NTNG1: variants seen among roughly 807,000 people sequenced by gnomAD.
NTNG1 encodes netrin-G1.
Under a neutral mutation model 54.0 loss-of-function variants are expected in NTNG1, and 16 were observed. That is an observed-to-expected ratio of 0.30 (90% confidence interval 0.20 to 0.45). NTNG1 has a LOEUF of 0.45. Ranked by LOEUF, NTNG1 falls within the 20% of genes least tolerant of loss-of-function variation. The probability of loss-of-function intolerance (pLI) is 1.00; values close to 1 mark genes in which losing one functional copy is unlikely to be tolerated. For synonymous variants in NTNG1, 255 were observed against 263.1 expected, an observed-to-expected ratio of 0.97 and a Z score of 0.30; for missense variants, 530 against 678.7, an observed-to-expected ratio of 0.78 and a Z score of 2.43.
At chr1:107,162,423 A>AT (rs1312795356) in intron 2 of NTNG1, among the ~76,000 whole-genome samples, 1 of 152,134 alleles carries the variant, frequency 6.6e-6, no homozygotes, top group Non-Finnish European at 1.5e-5. Flanking sequence ...AGATTTTATG[A>AT]TGTATCATGG....
intron 2 of NTNG1, among the ~76,000 whole-genome samples, chr1:107,288,085 C>G (rs1376099396): frequency 1.3e-5 from 2 of 151,944 alleles, no homozygotes; most frequent in Non-Finnish European, 2.9e-5. Flanking sequence ...AAGATCATTA[C>G]AATTATCCAA....
chr1:107,270,073 G>A (rs1469846715), intron 2 of NTNG1, among the ~76,000 whole-genome samples: 1 of 152,190 alleles, frequency 6.6e-6, no homozygotes, highest in Non-Finnish European at 1.5e-5. Flanking sequence ...CTTCTGCACA[G>A]CAAACTGTTC....
chr1:107,376,135 T>C (rs886231226), intron 3 of NTNG1, among the ~76,000 whole-genome samples: 17 of 152,200 alleles, frequency 1.1e-4, no homozygotes, highest in African/African-American at 4.1e-4. Flanking sequence ...ATATTGCTAT[T>C]GTAGGCTGGG....
At chr1:107,185,747 T>G (rs1181528948) in intron 2 of NTNG1, among the ~76,000 whole-genome samples, 3 of 152,106 alleles carry the variant, frequency 2.0e-5, no homozygotes, top group Non-Finnish European at 4.4e-5. Context: ...GGGAGGAGAC[T>G]TCCAGATGGG....
intron 2 of NTNG1, among the ~76,000 whole-genome samples, chr1:107,192,852 G>A (rs1449789683): frequency 2.0e-5 from 3 of 151,942 alleles, no homozygotes; most frequent in African/African-American, 7.2e-5. Context: ...AATAAAATCT[G>A]ACTAATTCTG....
rs1678645409 is a variant in NTNG1, at chr1:107,480,736, G to GGCAGCT, written c.1519_1524dup (p.Ser507_Cys508dup). 1 of 1,609,396 alleles carries GGCAGCT rather than the reference G, an allele frequency of 6.2e-7. No homozygotes were observed. The highest frequency in any genetic ancestry group is 8.5e-7 in the Non-Finnish European group (1 of 1,179,228). On this transcript the variant is annotated inframe_insertion, in exon 8 of 8. Transcript: ENST00000370068. ...CGAGAAGCTGCGGTGCGAGGAGGCT[G>GGCAGCT]GCAGCTGCGGCTCCGACTCTGGCCA...
chr1:107,438,507 C>T (rs924576971), intron 7 of NTNG1, among the ~76,000 whole-genome samples: 4 of 152,036 alleles, frequency 2.6e-5, no homozygotes, highest in Non-Finnish European at 2.9e-5. Flanking sequence ...GACCTCAAGG[C>T]CTAGAGCAGG....
chr1:107,322,710 G>T (rs1400042342), intron 2 of NTNG1, among the ~76,000 whole-genome samples: 4 of 152,046 alleles, frequency 2.6e-5, no homozygotes, highest in Admixed American at 1.3e-4. Flanking sequence ...TGCCACAGAC[G>T]CTGGGATCAG....
chr1:107,152,226 G>T (rs1361586324), intron 2 of NTNG1, among the ~76,000 whole-genome samples: 1 of 152,040 alleles, frequency 6.6e-6, no homozygotes, highest in Non-Finnish European at 1.5e-5. Flanking sequence ...GAAGGTGGGG[G>T]TTAACCCTTT....
intron 4 of NTNG1, among the ~76,000 whole-genome samples, chr1:107,399,734 G>C (rs1252238156): frequency 1.3e-5 from 2 of 152,162 alleles, no homozygotes; most frequent in Non-Finnish European, 2.9e-5. Context: ...AAGGGTTAAA[G>C]GGAGGATTTG....
chr1:107,241,044 T>C (rs1429658500), intron 2 of NTNG1, among the ~76,000 whole-genome samples: 1 of 152,188 alleles, frequency 6.6e-6, no homozygotes, highest in African/African-American at 2.4e-5. Context: ...GATTTCTTCA[T>C]TTAAAAATAT....
intron 3 of NTNG1, among the ~76,000 whole-genome samples, chr1:107,377,288 A>G (rs184748113): frequency 6.6e-6 from 1 of 152,306 alleles, no homozygotes; most frequent in African/African-American, 2.4e-5. Context: ...CCAGGAACGG[A>G]GGATTATCTC....
intron 2 of NTNG1, among the ~76,000 whole-genome samples, chr1:107,317,748 A>G (rs1250212978): frequency 6.6e-6 from 1 of 152,144 alleles, no homozygotes. Flanking sequence ...TCCTGAGTAA[A>G]AAAGTCCACA....
intron 2 of NTNG1, among the ~76,000 whole-genome samples, chr1:107,206,321 C>G (rs1659189919): frequency 6.6e-6 from 1 of 152,120 alleles, no homozygotes; most frequent in Admixed American, 6.6e-5. Context: ...GTCTTTTTCT[C>G]TTTTGCTGTT....
intron 3 of NTNG1, among the ~76,000 whole-genome samples, chr1:107,381,448 G>A (rs1485770741): frequency 6.7e-6 from 1 of 148,922 alleles, no homozygotes; most frequent in Non-Finnish European, 1.5e-5. Flanking sequence ...TTTGAAATTA[G>A]CATATTCTAA....
At chr1:107,363,929 G>T (rs1302882377) in intron 3 of NTNG1, among the ~76,000 whole-genome samples, 2 of 152,042 alleles carry the variant, frequency 1.3e-5, no homozygotes. Flanking sequence ...TGTTGGTCTA[G>T]GTAACATTTG....
chr1:107,333,092 T>A (rs1229979728), intron 3 of NTNG1, among the ~76,000 whole-genome samples: 1 of 152,060 alleles, frequency 6.6e-6, no homozygotes, highest in Non-Finnish European at 1.5e-5. Flanking sequence ...GTTACTACAC[T>A]GGCTCTCTCT....
chr1:107,211,363 A>G (rs1272117630), intron 2 of NTNG1, among the ~76,000 whole-genome samples: 1 of 152,130 alleles, frequency 6.6e-6, no homozygotes, highest in Non-Finnish European at 1.5e-5. Flanking sequence ...GTAATATATA[A>G]TATATATTTG....
At position 107,358,359 on chromosome 1, in the gene NTNG1, ATTT is replaced by A. The variant is rs202227324; in HGVS notation, c.887+33450_887+33452del. On this transcript the variant is annotated intron_variant, in intron 3 of 7. Transcript: ENST00000370068. ...GATGGGCATGAGGAGATAGTACTTA[ATTT>A]TTTTTTTTTTTTGACATCTATGACT... 3.1e-3 allele frequency among the ~76,000 whole-genome samples: 443 copies of A among 145,244 alleles called. 4 individuals carry two copies. Among genetic ancestry groups the A allele is most frequent in the African/African-American group, 0.01 (404 of 39,790 alleles).
Sources: allele counts gnomAD v4.1 joint callset (sites outside exome capture counted in the v4.1 genomes callset), GRCh38; gene constraint gnomAD v4.1.1; transcripts MANE v1.5; gene names NCBI Gene and HGNC (gene_info 2026-07-23, HGNC 2026-07-21).